The following GALNS variants were observed in gnomAD, a reference collection of about 807,000 sequenced individuals.
The protein encoded by GALNS is N-acetylgalactosamine-6-sulfatase.
GALNS carries 65 observed loss-of-function variants against 65.9 expected under a neutral mutation model. The ratio of observed to expected loss-of-function variants is 0.99; its 90% CI spans 0.81 to 1.21. The LOEUF (loss-of-function observed/expected upper bound fraction) is 1.21, where lower values mean the gene tolerates loss of function less well. Among genes scored for constraint, GALNS ranks in the 50% most tolerant of loss-of-function variants. The pLI is 0.00. For synonymous variants in GALNS, 346 were observed against 288.9 expected (o/e 1.20, Z -2.00); for missense variants, 776 against 700.7 (o/e 1.11, Z -1.21).
At position 88,816,399 on chromosome 16, in the gene GALNS, G is replaced by A. The variant is rs113967604; in HGVS notation, c.1482+1608C>T. ...GCTCCTGGGGCCCCGAGACTCAGGG[G>A]TCCTGAGACAGGGACCTCCCTGCTC... On this transcript the variant is annotated intron_variant, in intron 13 of 13. Transcript: ENST00000268695. 1.9e-3 allele frequency: 1,841 copies of A among 985,430 alleles called. 19 individuals carry two copies. In the African/African-American group the frequency reaches 0.022, roughly 12 times the overall value. 61.0% of individuals were successfully genotyped at this position (985,430 alleles called of 1,614,324 possible).
At chr16:88,824,554 G>C (rs1202965862) in intron 11 of GALNS, among the ~76,000 whole-genome samples, 1 of 152,148 alleles carries the variant, frequency 6.6e-6, no homozygotes, top group African/African-American at 2.4e-5. Context: ...TCATCACGCG[G>C]GGCAGGAAGA....
chr16:88,822,474 G>A, intron 12 of GALNS, 115 bp downstream of exon 12: 2 of 1,382,794 alleles, frequency 1.4e-6, no homozygotes, highest in Non-Finnish European at 2.0e-6. Flanking sequence ...AACAGCAGAT[G>A]CAGGCAAGGG....
intron 1 of GALNS, among the ~76,000 whole-genome samples, chr16:88,854,678 G>C (rs1967693463): frequency 6.6e-6 from 1 of 152,228 alleles, no homozygotes; most frequent in African/African-American, 2.4e-5. Context: ...GTGACTTGGA[G>C]TCACCTAGGA....
At chr16:88,817,434 G>C (rs897939487) in intron 13 of GALNS, 1 of 985,448 alleles carries the variant, frequency 1.0e-6, no homozygotes, top group Non-Finnish European at 1.2e-6. Context: ...GTGAGATCAG[G>C]TCTGATGCGA....
At chr16:88,842,423 C>A in intron 2 of GALNS, 1 of 549,318 alleles carries the variant, frequency 1.8e-6, no homozygotes, top group Non-Finnish European at 3.3e-6. Flanking sequence ...CACTGCAGCA[C>A]CTCTCCCCAG....
intron 1 of GALNS, among the ~76,000 whole-genome samples, chr16:88,850,436 A>G (rs1967454835): frequency 6.6e-6 from 1 of 152,172 alleles, no homozygotes; most frequent in African/African-American, 2.4e-5. Context: ...ACATGAATGG[A>G]TGCAGCGGAA....
intron 1 of GALNS, among the ~76,000 whole-genome samples, chr16:88,845,947 C>A (rs1967224701): frequency 1.3e-5 from 2 of 152,112 alleles, no homozygotes; most frequent in African/African-American, 2.4e-5. Context: ...ATGATCACAC[C>A]ACAGCACTCC....
intron 9 of GALNS, among the ~76,000 whole-genome samples, chr16:88,831,125 CCCCA>C: frequency 6.6e-6 from 1 of 152,126 alleles, no homozygotes; most frequent in South Asian, 2.1e-4. Flanking sequence ...TGGCTCCAGT[CCCCA>C]CCGAGAGCCT....
intron 11 of GALNS, 77 bp downstream of exon 11, chr16:88,824,690 C>A (rs1910619725): frequency 3.3e-6 from 4 of 1,223,620 alleles, no homozygotes; most frequent in Non-Finnish European, 3.6e-6. Context: ...TGTGCCTCCC[C>A]CAGGACGGTG....
chr16:88,846,632 C>T (rs1004713074), intron 1 of GALNS, among the ~76,000 whole-genome samples: 1 of 150,624 alleles, frequency 6.6e-6, no homozygotes, highest in Non-Finnish European at 1.5e-5. Context: ...ACCTTTGCCT[C>T]TCGGGTTCAA....
chr16:88,818,843 G>A (rs1358280392), intron 12 of GALNS, among the ~76,000 whole-genome samples: 2 of 152,234 alleles, frequency 1.3e-5, no homozygotes, highest in Non-Finnish European at 2.9e-5. Flanking sequence ...ATGCAGGGAG[G>A]AACTTCTGCG....
intron 13 of GALNS, chr16:88,816,314 G>T (rs541197972): frequency 2.0e-6 from 2 of 985,334 alleles, no homozygotes; most frequent in African/African-American, 3.5e-5. Context: ...CCAGCAGCAC[G>T]GAGTGGGATT....
chr16:88,836,070 G>T, intron 6 of GALNS, 131 bp downstream of exon 6: 1 of 1,091,026 alleles, frequency 9.2e-7, no homozygotes. Flanking sequence ...AGGGTGATGA[G>T]GTCCCTGAAC....
chr16:88,822,756 G>A (rs907277565), intron 11 of GALNS, 46 bp from the exon 12 acceptor site: 17 of 1,601,188 alleles, frequency 1.1e-5, no homozygotes, highest in South Asian at 3.3e-5. Context: ...CCTGACCTGC[G>A]GCCGTGAGGG....
At chr16:88,833,454 C>T (rs1424821660) in intron 8 of GALNS, among the ~76,000 whole-genome samples, 3 of 141,172 alleles carry the variant, frequency 2.1e-5, no homozygotes, top group African/African-American at 8.0e-5. Flanking sequence ...CTCCCATCCC[C>T]TTTTTTTTTT....
chr16:88,827,542 G>A (rs1409405606), intron 9 of GALNS, among the ~76,000 whole-genome samples: 1 of 152,180 alleles, frequency 6.6e-6, no homozygotes, highest in Non-Finnish European at 1.5e-5. Context: ...TGCCTTCCAG[G>A]TTCAAGTGAT....
intron 1 of GALNS, among the ~76,000 whole-genome samples, chr16:88,854,854 C>G (rs1237657142): frequency 2.6e-5 from 4 of 152,250 alleles, no homozygotes; most frequent in Non-Finnish European, 4.4e-5. Context: ...AAAGTCCTTA[C>G]AAGTACACCT....
chr16:88,829,496 G>A (rs904055111), intron 9 of GALNS, among the ~76,000 whole-genome samples: 4 of 152,222 alleles, frequency 2.6e-5, no homozygotes, highest in African/African-American at 9.6e-5. Flanking sequence ...TGGGAACTTG[G>A]GGTGGCCCAG....
At chr16:88,824,702 T>C in intron 11 of GALNS, 65 bp downstream of exon 11, 1 of 1,384,816 alleles carries the variant, frequency 7.2e-7, no homozygotes, top group Admixed American at 1.7e-5. Flanking sequence ...AGGACGGTGC[T>C]CAGGGGCCAC....
Sources: gnomAD v4.1 joint callset for allele counts (sites outside exome capture counted in the v4.1 genomes callset) on GRCh38, gnomAD v4.1.1 for gene constraint, MANE v1.5 for transcripts, NCBI Gene and HGNC (gene_info 2026-07-23, HGNC 2026-07-21) for gene names.